The following CACNA1C variants were observed in gnomAD, a reference collection of about 807,000 sequenced individuals.
CACNA1C encodes the protein voltage-dependent L-type calcium channel subunit alpha-1C.
A neutral mutation model predicts 229.0 loss-of-function variants in CACNA1C; 30 were observed. The ratio of observed to expected loss-of-function variants is 0.13; its 90% CI spans 0.10 to 0.18. The LOEUF (loss-of-function observed/expected upper bound fraction) is 0.18, where lower values mean the gene tolerates loss of function less well. Among genes scored for constraint, CACNA1C ranks in the 10% least tolerant of loss-of-function variants. The pLI is 1.00. For synonymous variants in CACNA1C, 1,114 were observed against 1,132.5 expected (o/e 0.98, Z 0.33); for missense variants, 1,658 against 2,845.0 (o/e 0.58, Z 9.49).
At chr12:2,295,922 T>G (rs761989311) in intron 3 of CACNA1C, among the ~76,000 whole-genome samples, 1 of 152,270 alleles carries the variant, frequency 6.6e-6, no homozygotes, top group African/African-American at 2.4e-5. Context: ...TTCATTGTTT[T>G]GTTTTTGTGA....
rs2099771920 is a variant in CACNA1C at position 2,506,375 on chromosome 12, C to T, written c.1217+1430C>T. On this transcript the variant is annotated intron_variant, in intron 8 of 46. Coordinates refer to ENST00000399655, the MANE Select transcript of CACNA1C (RefSeq NM_000719.7). ...CAAAGCAGAAATTGAGGCATCCCAG[C>T]TCTGCCCTTGCTGGGTACATAATGT... 2.0e-5 allele frequency among the ~76,000 whole-genome samples: 3 copies of T among 152,208 alleles called. No individual in the cohort carries two copies. In the South Asian group the frequency reaches 6.2e-4, roughly 32 times the overall value.
At chr12:2,058,420 A>G (rs1347830777) in intron 1 of CACNA1C, among the ~76,000 whole-genome samples, 3 of 152,372 alleles carry the variant, frequency 2.0e-5, no homozygotes, top group East Asian at 1.9e-4. Flanking sequence ...AGACTTAACA[A>G]CAAGCCTAAT....
At chr12:2,460,861 C>G (rs1261047306) in intron 5 of CACNA1C, among the ~76,000 whole-genome samples, 1 of 152,190 alleles carries the variant, frequency 6.6e-6, no homozygotes, top group Non-Finnish European at 1.5e-5. Context: ...CTCATCCAGC[C>G]TTCTGCCCTT....
At chr12:2,430,582 G>A (rs984007568) in intron 3 of CACNA1C, among the ~76,000 whole-genome samples, 1 of 151,066 alleles carries the variant, frequency 6.6e-6, no homozygotes, top group African/African-American at 2.5e-5. Context: ...TGGTGGGGGG[G>A]TCCGAGCATG....
At position 2,232,154 on chromosome 12, in the gene CACNA1C, A is replaced by T. The variant is rs1015822380; in HGVS notation, c.477+111724A>T. On this transcript the variant is annotated intron_variant, in intron 3 of 46. Coordinates refer to ENST00000399655, the MANE Select transcript of CACNA1C (RefSeq NM_000719.7). ...TTTTTTCTGGTGCAGATCCAATCCA[A>T]GATCCCACATGACATTTAGTCATCG... Among the ~76,000 whole-genome samples the T allele has an allele frequency of 2.0e-5, 3 of 150,760 alleles. No homozygotes were observed. The East Asian group carries it at 5.8e-4, about 29-fold the overall frequency.
chr12:2,667,187 A>G (rs756992195), intron 37 of CACNA1C, among the ~76,000 whole-genome samples: 13 of 131,888 alleles, frequency 9.9e-5, no homozygotes, highest in Non-Finnish European at 1.8e-4. Context: ...TTTACCAGGG[A>G]GAGGATTTCT....
At chr12:2,475,231 G>A (rs2099619420) in intron 5 of CACNA1C, among the ~76,000 whole-genome samples, 2 of 151,888 alleles carry the variant, frequency 1.3e-5, no homozygotes, top group African/African-American at 4.8e-5. Flanking sequence ...CCCGGTAGGT[G>A]GAGCTTGCAG....
At chr12:2,370,377 C>T (rs958922915) in intron 3 of CACNA1C, among the ~76,000 whole-genome samples, 5 of 152,124 alleles carry the variant, frequency 3.3e-5, no homozygotes, top group Non-Finnish European at 7.4e-5. Flanking sequence ...AATAATTAGA[C>T]AAAGTTTTAT....
In CACNA1C at chr12:2,410,452, G is replaced by A. The variant is rs1048350004; in HGVS notation, c.478-38524G>A. ...GGAATTGGTGCATGATATAGTTTTCGTTTTCAAAGGACCATGATTTCCATG... is the reference window on the plus strand; with the variant it reads ...GGAATTGGTGCATGATATAGTTTTCATTTTCAAAGGACCATGATTTCCATG... On this transcript the variant is annotated intron_variant, in intron 3 of 46. Coordinates refer to ENST00000399655, the MANE Select transcript of CACNA1C (RefSeq NM_000719.7). This position sits in a 1 kb window ranked among gnomAD's most constrained non-coding sequence, Gnocchi z 5.3. Among the ~76,000 whole-genome samples, 1 of 152,198 alleles carries A rather than the reference G, an allele frequency of 6.6e-6. No individual in the cohort carries two copies. The highest frequency in any genetic ancestry group is 1.5e-5 in the Non-Finnish European group (1 of 68,034).
chr12:2,028,938 T>C (rs968461977), intron 1 of CACNA1C, among the ~76,000 whole-genome samples: 1 of 152,266 alleles, frequency 6.6e-6, no homozygotes, highest in African/African-American at 2.4e-5. Context: ...CTGTAGTGTG[T>C]CAGTCCTTCT....
rs1268654748 is a variant in CACNA1C, at chr12:2,632,777, A to C, written c.3829-1520A>C. Reference sequence around the variant, plus strand: ...CGCGTGCCCTCTGCGCGGCGTCTGCATTCAGCAGGACCCTACCTCCAAATG... The same window carrying C: ...CGCGTGCCCTCTGCGCGGCGTCTGCCTTCAGCAGGACCCTACCTCCAAATG... On this transcript the variant is annotated intron_variant, in intron 29 of 46. Coordinates refer to ENST00000399655, the MANE Select transcript of CACNA1C (RefSeq NM_000719.7). This position sits in a 1 kb window ranked among gnomAD's most constrained non-coding sequence, Gnocchi z 4.1. 1.3e-5 allele frequency among the ~76,000 whole-genome samples: 2 copies of C among 152,144 alleles called. No individual in the cohort carries two copies. Among genetic ancestry groups the C allele is most frequent in the Admixed American group, 1.3e-4 (2 of 15,278 alleles).
rs1419897759 is a variant in CACNA1C at position 2,534,363 on chromosome 12, C to T, written c.1391-15580C>T. On this transcript the variant is annotated intron_variant, in intron 9 of 46. Transcript: ENST00000399655. ...GGCCCTGGGAGCCAGGACAAGGGTC[C>T]CGTGTGCTGAGTGATAGTGATGTGA... 2.0e-5 allele frequency among the ~76,000 whole-genome samples: 3 copies of T among 152,140 alleles called. No individual in the cohort carries two copies. In the East Asian group the frequency reaches 5.8e-4, roughly 29 times the overall value.
In CACNA1C at chr12:2,567,652, G is replaced by A. The variant is rs763738559; in HGVS notation, c.1753G>A (p.Val585Met). ...CAGCCTGGGCCTGCAGGCCTACTTC[G>A]TGTCCCTCTTCAACCGCTTTGACTG... ...MYSLGLQAYF[V>M]SLFNRFDCFV... is the part of the protein sequence containing the mutation. Residue 585 changes from valine (V) to methionine (M), a missense_variant, in exon 13 of 47, where the codon GTG becomes ATG. Physicochemically the swap from Val to Met is conservative, Grantham distance 21 (BLOSUM62 1). Transcript: ENST00000399655. 100 of 1,613,040 alleles carry A rather than the reference G, an allele frequency of 6.2e-5. No homozygotes were observed. The highest frequency in any genetic ancestry group is 8.0e-5 in the Non-Finnish European group (94 of 1,179,572).
intron 1 of CACNA1C, among the ~76,000 whole-genome samples, chr12:2,102,834 G>A (rs2076932471): frequency 6.6e-6 from 1 of 152,166 alleles, no homozygotes; most frequent in Non-Finnish European, 1.5e-5. Flanking sequence ...AACACACAGT[G>A]TTTGGTTTTC....
At chr12:2,061,322 T>C (rs1170832280) in intron 1 of CACNA1C, among the ~76,000 whole-genome samples, 4 of 152,178 alleles carry the variant, frequency 2.6e-5, no homozygotes, top group Non-Finnish European at 5.9e-5. Flanking sequence ...TTCACAGCAT[T>C]TCAAACAACT....
chr12:2,345,053 C>T lies in CACNA1C; in HGVS notation c.478-103923C>T, dbSNP rs1343024358. On this transcript the variant is annotated intron_variant, in intron 3 of 46. Transcript: ENST00000399655. ...TGGGAACCATACTAGATCAAGCTCT[C>T]TGGCCGTGAGCCCCATGTCTGTGGG... Among the ~76,000 whole-genome samples, 3 of 148,862 alleles carry T rather than the reference C, an allele frequency of 2.0e-5. No individual in the cohort carries two copies. The Admixed American group carries it at 2.0e-4, about 10-fold the overall frequency.
In CACNA1C at chr12:2,135,726, C is replaced by A. The variant is rs1176432924; in HGVS notation, c.477+15296C>A. ...TCTCTTCAAAGCTGTCAGACAGGGA[C>A]ATTTAAGTCTGCAGAAGTTACTGCT... On this transcript the variant is annotated intron_variant, in intron 3 of 46. Coordinates refer to ENST00000399655, the MANE Select transcript of CACNA1C (RefSeq NM_000719.7). Among the ~76,000 whole-genome samples, 2 of 146,194 alleles carry A rather than the reference C, an allele frequency of 1.4e-5. 1 individual carries two copies. The highest frequency in any genetic ancestry group is 1.4e-4 in the Admixed American group (2 of 14,790).
At chr12:2,132,337 C>G in intron 3 of CACNA1C, among the ~76,000 whole-genome samples, 1 of 55,316 alleles carries the variant, frequency 1.8e-5, no homozygotes, top group African/African-American at 9.5e-5. Context: ...ACTTCCAACA[C>G]TATGTTGAAT....
intron 1 of CACNA1C, among the ~76,000 whole-genome samples, chr12:2,045,640 G>A (rs1014488755): frequency 5.9e-5 from 9 of 152,168 alleles, no homozygotes; most frequent in East Asian, 1.9e-4. Flanking sequence ...TATAAGTGAA[G>A]AAACTGAGCC....
Sources: gnomAD v4.1 joint callset for allele counts (sites outside exome capture counted in the v4.1 genomes callset) on GRCh38, gnomAD v4.1.1 for gene constraint, Gnocchi (gnomAD v3.1) non-coding constraint, MANE v1.5 for transcripts, NCBI Gene and HGNC (gene_info 2026-07-23, HGNC 2026-07-21) for gene names.